Variants in EEA1 observed in about 807,000 individuals in gnomAD.
EEA1 encodes the protein early endosome antigen 1.
A neutral mutation model predicts 209.2 loss-of-function variants in EEA1; 111 were observed. The observed-to-expected ratio is 0.53, with a 90% CI of 0.45 to 0.62. The LOEUF is 0.62. EEA1 is among the 20% of genes least tolerant of loss of function. EEA1 has a pLI of 0.00. For missense variants in EEA1, 1,343 were observed against 1,530.8 expected (o/e 0.88, Z 2.05); for synonymous variants, 536 against 540.6 (o/e 0.99, Z 0.12).
rs538488901 is a variant in EEA1, at chr12:92,825,142, C to T, written c.1524+1024G>A. ...TGATTAATGAAAGAATGAATTAAAGCCGGGTGCAGTGGCTCATGCCTGTAA... is the reference window on the plus strand; with the variant it reads ...TGATTAATGAAAGAATGAATTAAAGTCGGGTGCAGTGGCTCATGCCTGTAA... On this transcript the variant is annotated intron_variant, in intron 13 of 28. Coordinates refer to ENST00000322349, the MANE Select transcript of EEA1 (RefSeq NM_003566.4). Among the ~76,000 whole-genome samples, 37 of 152,272 alleles carry T rather than the reference C, an allele frequency of 2.4e-4. 1 individual carries two copies. Among genetic ancestry groups the T allele is most frequent in the Admixed American group, 2.3e-3 (35 of 15,294 alleles).
chr12:92,921,993 T>C (rs1881028539), intron 1 of EEA1, among the ~76,000 whole-genome samples: 1 of 152,126 alleles, frequency 6.6e-6, no homozygotes, highest in Non-Finnish European at 1.5e-5. Flanking sequence ...CCTGTTTCTA[T>C]TCCCTTACTT....
chr12:92,776,088 C>T lies in EEA1; in HGVS notation c.4159G>A (p.Ala1387Thr). The T allele has an allele frequency of 6.2e-7, 1 of 1,610,998 alleles. No individual in the cohort carries two copies. Among genetic ancestry groups the T allele is most frequent in the Non-Finnish European group, 8.5e-7 (1 of 1,178,114 alleles). ...GAGGAAGGAGTTAAGGCATTTTTGG[C>T]TGAACATTCAGCACAGAAGATATTT... is the stretch of plus-strand genomic sequence containing the variant. ...CGNIFCAECS[A>T]KNALTPSSKK... Residue 1387 changes from alanine to threonine, a missense_variant, in exon 29 of 29, where the codon GCC becomes ACC. By Grantham distance (58) the Ala-to-Thr change is moderately conservative. Coordinates refer to ENST00000322349, the MANE Select transcript of EEA1 (RefSeq NM_003566.4).
chr12:92,779,853 T>C (rs755232273), intron 24 of EEA1, among the ~76,000 whole-genome samples: 26 of 150,704 alleles, frequency 1.7e-4, no homozygotes, highest in Non-Finnish European at 2.8e-4. Context: ...ATGGGTACCC[T>C]ATCTATGCTT....
intron 19 of EEA1, among the ~76,000 whole-genome samples, chr12:92,802,066 A>G (rs768615991): frequency 2.6e-5 from 4 of 152,082 alleles, no homozygotes; most frequent in Non-Finnish European, 4.4e-5. Context: ...AAAACTTAGG[A>G]AACAATAAAT....
intron 1 of EEA1, among the ~76,000 whole-genome samples, chr12:92,917,665 A>G (rs1258323687): frequency 1.3e-4 from 20 of 151,170 alleles, no homozygotes; most frequent in East Asian, 1.9e-4. Context: ...GACCATCGAG[A>G]CTAGGAAGAA....
chr12:92,884,175 T>A, intron 2 of EEA1: 1 of 1,353,202 alleles, frequency 7.4e-7, no homozygotes, highest in South Asian at 1.2e-5. Context: ...GTGACTCAAA[T>A]CATGACTCAC....
intron 1 of EEA1, among the ~76,000 whole-genome samples, chr12:92,923,770 G>C (rs1881102872): frequency 3.5e-5 from 5 of 143,904 alleles, no homozygotes; most frequent in African/African-American, 1.0e-4. Context: ...TTGCACAGTA[G>C]TTAGCACAAA....
At chr12:92,846,830 T>C (rs1265875472) in intron 9 of EEA1, among the ~76,000 whole-genome samples, 1 of 152,230 alleles carries the variant, frequency 6.6e-6, no homozygotes, top group Non-Finnish European at 1.5e-5. Flanking sequence ...CACCAGATTA[T>C]GTATCTTCAG....
chr12:92,820,735 C>T (rs1313986082), intron 13 of EEA1, among the ~76,000 whole-genome samples: 1 of 150,214 alleles, frequency 6.7e-6, no homozygotes. Flanking sequence ...TCATTCTGCA[C>T]AAGTATCCCA....
At chr12:92,786,211 G>C (rs1874125276) in intron 22 of EEA1, among the ~76,000 whole-genome samples, 1 of 152,050 alleles carries the variant, frequency 6.6e-6, no homozygotes. Flanking sequence ...TTCAGATTCA[G>C]CCCTGTTTCT....
chr12:92,804,014 TAAAC>T (rs1017696850), intron 18 of EEA1, among the ~76,000 whole-genome samples: 10 of 152,064 alleles, frequency 6.6e-5, no homozygotes, highest in Admixed American at 2.0e-4. Flanking sequence ...AGGGAAGAAA[TAAAC>T]AAGTCCACAA....
chr12:92,813,773 G>C (rs11613512), intron 15 of EEA1, among the ~76,000 whole-genome samples: 38,449 of 152,100 alleles, frequency 0.25, 5,322 homozygotes, highest in Non-Finnish European at 0.32. Context: ...CCAGCACTTT[G>C]GGAGGCCAAG....
At chr12:92,834,431 G>A (rs1331636858) in intron 10 of EEA1, among the ~76,000 whole-genome samples, 1 of 150,918 alleles carries the variant, frequency 6.6e-6, no homozygotes, top group Non-Finnish European at 1.5e-5. Context: ...TATAGACCTA[G>A]CTACCCGAGA....
Position 92,832,760 on chromosome 12 carries a change from G to C in EEA1, c.1006C>G (p.Gln336Glu). 6.2e-7 allele frequency: 1 copy of C among 1,613,856 alleles called. No individual in the cohort carries two copies. The highest frequency in any genetic ancestry group is 1.1e-5 in the South Asian group (1 of 91,060). Residue 336 changes from glutamine to glutamate, a missense_variant, in exon 11 of 29, where the codon CAG (glutamine) becomes GAG (glutamate). This residue lies in a region of EEA1 where 1,307 missense variants were observed against 1,465.5 expected (regional missense o/e 0.89). Transcript: ENST00000322349. ...NEESVSKKNI[Q>E]ATLHQKDLDC... The stretch of plus-strand genomic sequence containing the variant: ...AGGTCTTTTTGATGAAGGGTTGCCT[G>C]AATATTCTTTTTACTCACAGATTCT...
chr12:92,836,938 TG>T (rs781722551), intron 10 of EEA1, among the ~76,000 whole-genome samples: 3 of 151,958 alleles, frequency 2.0e-5, no homozygotes, highest in Non-Finnish European at 4.4e-5. Flanking sequence ...CTGACCCACA[TG>T]GTGAAACCCC....
intron 9 of EEA1, among the ~76,000 whole-genome samples, 160 bp from the exon 10 acceptor site, chr12:92,842,741 T>C (rs1244472847): frequency 2.0e-5 from 3 of 152,252 alleles, no homozygotes; most frequent in South Asian, 2.1e-4. Context: ...TTATGCTTTT[T>C]TCGGCTTACG....
At chr12:92,799,741 C>T (rs535554866) in intron 20 of EEA1, among the ~76,000 whole-genome samples, 7 of 151,494 alleles carry the variant, frequency 4.6e-5, no homozygotes, top group South Asian at 2.1e-4. Flanking sequence ...GAGCCGAGAT[C>T]GTGCCACTGC....
intron 18 of EEA1, among the ~76,000 whole-genome samples, chr12:92,808,033 T>C (rs1474600307): frequency 2.0e-5 from 3 of 152,142 alleles, no homozygotes; most frequent in African/African-American, 7.2e-5. Flanking sequence ...AAATATACCA[T>C]TTTATGGTAT....
In EEA1 at chr12:92,862,080, C is replaced by T. The variant is rs542929012; in HGVS notation, c.245+2780G>A. ...AAAAGGTTTCATGACCCACCTGAGT[C>T]ATGTGGACTTTTGATCTAAAAGACA... On this transcript the variant is annotated intron_variant, in intron 3 of 28. Transcript: ENST00000322349. Among the ~76,000 whole-genome samples the T allele has an allele frequency of 2.0e-5, 3 of 152,280 alleles. No individual in the cohort carries two copies. The South Asian group carries it at 6.2e-4, about 32-fold the overall frequency.
Sources: allele counts gnomAD v4.1 joint callset (sites outside exome capture counted in the v4.1 genomes callset), GRCh38; gene constraint gnomAD v4.1.1; regional missense constraint gnomAD v4.1.1; transcripts MANE v1.5; gene names NCBI Gene and HGNC (gene_info 2026-07-23, HGNC 2026-07-21).